The following NTN1 variants were observed in gnomAD, a reference collection of about 807,000 sequenced individuals.
NTN1 encodes netrin 1, also known as netrin-1.
In NTN1, 11 loss-of-function variants were observed where a neutral mutation model predicts 54.2. The observed-to-expected ratio is 0.20, with a 90% CI of 0.13 to 0.34. NTN1 has a LOEUF of 0.34. Among genes scored for constraint, NTN1 ranks in the 10% least tolerant of loss-of-function variants. The pLI, the probability that NTN1 is intolerant of heterozygous loss-of-function variation, is 1.00. For synonymous variants in NTN1, 371 were observed against 382.0 expected, an observed-to-expected ratio of 0.97 and a Z score of 0.33; for missense variants, 740 against 893.1, an observed-to-expected ratio of 0.83 and a Z score of 2.18.
intron 2 of NTN1, among the ~76,000 whole-genome samples, chr17:9,144,270 C>G (rs772272643): frequency 6.6e-6 from 1 of 151,920 alleles, no homozygotes; most frequent in Non-Finnish European, 1.5e-5. Context: ...GCCATGTGTC[C>G]AGCATCTAGT....
intron 5 of NTN1, among the ~76,000 whole-genome samples, chr17:9,189,026 G>A (rs890815872): frequency 1.1e-4 from 16 of 152,178 alleles, no homozygotes; most frequent in Non-Finnish European, 1.5e-4. Context: ...CTGTTATCCC[G>A]AGAGAAGATT....
chr17:9,193,956 T>G, intron 5 of NTN1, among the ~76,000 whole-genome samples: 3 of 90,680 alleles, frequency 3.3e-5, no homozygotes, highest in East Asian at 3.5e-4. Context: ...ATTATGCAGG[T>G]TGGGCGCAGA....
intron 2 of NTN1, among the ~76,000 whole-genome samples, chr17:9,117,548 A>G (rs1381864299): frequency 6.6e-6 from 1 of 152,098 alleles, no homozygotes; most frequent in Non-Finnish European, 1.5e-5. Context: ...GTTCGAGACC[A>G]GCCTGGTCAA....
chr17:9,082,939 T>C (rs905892365), intron 2 of NTN1, among the ~76,000 whole-genome samples: 1 of 152,002 alleles, frequency 6.6e-6, no homozygotes, highest in African/African-American at 2.4e-5. Context: ...CAACCATGGA[T>C]GTGGTTGCCA....
At chr17:9,039,271 A>G (rs974020051) in intron 2 of NTN1, among the ~76,000 whole-genome samples, 3 of 152,178 alleles carry the variant, frequency 2.0e-5, no homozygotes, top group African/African-American at 7.2e-5. Context: ...GAGTTTGTCA[A>G]GTTTCATTAC....
the NTN1 span, among the ~76,000 whole-genome samples, chr17:9,004,767 T>C: frequency 5.9e-5 from 9 of 152,222 alleles, no homozygotes; most frequent in Middle Eastern, 3.2e-3. Flanking sequence ...CCGGCCGACT[T>C]GGCCCTGGGC....
At chr17:9,226,407 G>C (rs1028850779) in intron 6 of NTN1, among the ~76,000 whole-genome samples, 1 of 150,828 alleles carries the variant, frequency 6.6e-6, no homozygotes, top group Non-Finnish European at 1.5e-5. Context: ...TAAGGGGTGG[G>C]GGCCGTGGGG....
chr17:9,034,005 T>C (rs192179055), intron 2 of NTN1, among the ~76,000 whole-genome samples: 93 of 152,234 alleles, frequency 6.1e-4, no homozygotes, highest in Middle Eastern at 3.4e-3. Flanking sequence ...ACATTCTATC[T>C]ACTAAAGTGT....
At chr17:9,085,940 C>T (rs1158020952) in intron 2 of NTN1, among the ~76,000 whole-genome samples, 1 of 152,120 alleles carries the variant, frequency 6.6e-6, no homozygotes, top group Non-Finnish European at 1.5e-5. Flanking sequence ...GCTCTCACTG[C>T]TACTACACAT....
At chr17:9,138,655 C>T (rs1022210134) in intron 2 of NTN1, among the ~76,000 whole-genome samples, 7 of 152,172 alleles carry the variant, frequency 4.6e-5, no homozygotes, top group African/African-American at 1.7e-4. Context: ...TGCCGGGTAC[C>T]GCGATGAGGC....
At chr17:9,231,397 C>T (rs901397655) in intron 6 of NTN1, among the ~76,000 whole-genome samples, 2 of 152,238 alleles carry the variant, frequency 1.3e-5, no homozygotes, top group South Asian at 4.1e-4. Context: ...CTCAGCTCTG[C>T]CCCCACCCTG....
chr17:9,074,553 C>G (rs2092042963), intron 2 of NTN1, among the ~76,000 whole-genome samples: 1 of 152,216 alleles, frequency 6.6e-6, no homozygotes, highest in Admixed American at 6.5e-5. Context: ...GTTTTTCACT[C>G]AACACGCCCA....
At position 9,212,032 on chromosome 17, in the gene NTN1, G is replaced by A. The variant is rs1240825611; in HGVS notation, c.1412-9136G>A. Among the ~76,000 whole-genome samples the A allele has an allele frequency of 6.6e-6, 1 of 152,176 alleles. No homozygotes were observed. The highest frequency in any genetic ancestry group is 1.5e-5 in the Non-Finnish European group (1 of 68,034). ...TAGAAGATGCTTCATTTGGGGCATC[G>A]TTAGCCTTTCTGCCCCCAAGGCCCA... On this transcript the variant is annotated intron_variant, in intron 5 of 6. Coordinates refer to ENST00000173229, the MANE Select transcript of NTN1 (RefSeq NM_004822.3). The surrounding 1 kb of genome is among the most constrained non-coding windows in gnomAD (Gnocchi z 5.5).
At chr17:9,064,123 A>T (rs2092007566) in intron 2 of NTN1, among the ~76,000 whole-genome samples, 1 of 152,158 alleles carries the variant, frequency 6.6e-6, no homozygotes, top group South Asian at 2.1e-4. Context: ...GGTAAGTGGA[A>T]ACCAAACATT....
At chr17:9,207,243 C>T (rs1445847015) in intron 5 of NTN1, among the ~76,000 whole-genome samples, 1 of 152,188 alleles carries the variant, frequency 6.6e-6, no homozygotes, top group East Asian at 1.9e-4. Flanking sequence ...GAAGGAACCA[C>T]ATCCGCTACA....
chr17:9,119,183 A>T (rs896425808), intron 2 of NTN1, among the ~76,000 whole-genome samples: 2 of 151,904 alleles, frequency 1.3e-5, no homozygotes, highest in African/African-American at 4.8e-5. Flanking sequence ...TGTATTATTT[A>T]TTTATTTATT....
At chr17:9,106,306 G>A (rs2092165765) in intron 2 of NTN1, among the ~76,000 whole-genome samples, 1 of 152,176 alleles carries the variant, frequency 6.6e-6, no homozygotes, top group African/African-American at 2.4e-5. Flanking sequence ...TATCTTGGGG[G>A]CAGAATTTTT....
chr17:9,148,504 G>A (rs1158922701), intron 2 of NTN1, among the ~76,000 whole-genome samples: 2 of 152,216 alleles, frequency 1.3e-5, no homozygotes, highest in Non-Finnish European at 2.9e-5. Flanking sequence ...GGGATCTGGT[G>A]TGTCCTGGAG....
intron 2 of NTN1, among the ~76,000 whole-genome samples, chr17:9,142,382 C>T (rs1329279606): frequency 6.6e-6 from 1 of 152,060 alleles, no homozygotes; most frequent in African/African-American, 2.4e-5. Flanking sequence ...GATGTACAAC[C>T]TCCTGCACAT....
Sources: allele counts gnomAD v4.1 joint callset (sites outside exome capture counted in the v4.1 genomes callset), GRCh38; gene constraint gnomAD v4.1.1; non-coding constraint Gnocchi (gnomAD v3.1); transcripts MANE v1.5; gene names NCBI Gene and HGNC (gene_info 2026-07-23, HGNC 2026-07-21).